The following BNC2 variants were observed in gnomAD, a reference collection of about 807,000 sequenced individuals.
The protein encoded by BNC2 is zinc finger protein basonuclin-2.
BNC2 carries 20 observed loss-of-function variants against 76.3 expected under a neutral mutation model. The observed-to-expected ratio is 0.26, with a 90% CI of 0.18 to 0.38. BNC2 has a LOEUF of 0.38. Ranked by LOEUF, BNC2 falls within the 10% of genes least tolerant of loss-of-function variation. The pLI, the probability that BNC2 is intolerant of heterozygous loss-of-function variation, is 1.00. For missense variants in BNC2, 1,382 were observed against 1,399.8 expected, an observed-to-expected ratio of 0.99 and a Z score of 0.20; for synonymous variants, 582 against 514.8, an observed-to-expected ratio of 1.13 and a Z score of -1.77.
At position 16,419,137 on chromosome 9, in the gene BNC2, C is replaced by G; in HGVS notation, c.3152G>C (p.Arg1051Thr). The G allele has an allele frequency of 6.2e-7, 1 of 1,614,216 alleles. No homozygotes were observed. Among genetic ancestry groups the G allele is most frequent in the Non-Finnish European group, 8.5e-7 (1 of 1,180,048 alleles). ...HKMYSNKGTL[R>T]VHYKTVHLRE... ...CAAATGCACAGTTTTGTAGTGCACT[C>G]TCAGGGTCCCCTTGTTGCTGTACAT... The change falls in exon 7 of 7, where the codon AGA becomes ACA. Residue 1051 changes from arginine (R) to threonine (T), a missense_variant. By Grantham distance (71) the Arg-to-Thr change is moderately conservative. This residue lies in a region of BNC2 where 798 missense variants were observed against 775.5 expected (regional missense o/e 1.03). Coordinates refer to ENST00000380672, the MANE Select transcript of BNC2 (RefSeq NM_017637.6).
intron 5 of BNC2, among the ~76,000 whole-genome samples, chr9:16,442,071 C>A (rs1821139987): frequency 6.6e-6 from 1 of 152,108 alleles, no homozygotes; most frequent in South Asian, 2.1e-4. Flanking sequence ...TTTAGGTTTT[C>A]CCATTTGTAA....
chr9:16,678,621 C>A (rs192816511), intron 3 of BNC2, among the ~76,000 whole-genome samples: 1 of 149,904 alleles, frequency 6.7e-6, no homozygotes, highest in Non-Finnish European at 1.5e-5. Flanking sequence ...TTTTAAAATT[C>A]TTTCTGTACC....
At chr9:16,458,298 T>C (rs576910513) in intron 5 of BNC2, among the ~76,000 whole-genome samples, 20 of 152,314 alleles carry the variant, frequency 1.3e-4, no homozygotes, top group African/African-American at 4.8e-4. Context: ...AAGATGCAAC[T>C]AATCATTTCC....
chr9:16,734,593 G>A (rs1563919800), intron 2 of BNC2, among the ~76,000 whole-genome samples: 1 of 152,238 alleles, frequency 6.6e-6, no homozygotes, highest in African/African-American at 2.4e-5. Flanking sequence ...CAAGGGGCAA[G>A]ATCATGGTCC....
intron 3 of BNC2, among the ~76,000 whole-genome samples, chr9:16,679,074 T>C (rs1201460468): frequency 1.3e-5 from 2 of 152,140 alleles, no homozygotes; most frequent in Non-Finnish European, 2.9e-5. Flanking sequence ...AGCTGCACTA[T>C]GTACACAGAG....
At chr9:16,806,774 G>A (rs2243698) in intron 1 of BNC2, among the ~76,000 whole-genome samples, 150,409 of 152,344 alleles carry the variant, frequency 0.99, 74,277 homozygotes, top group East Asian at 1. Context: ...ATTCTAAATT[G>A]TCCCCTAATC....
chr9:16,630,064 A>G (rs938096933), intron 3 of BNC2, among the ~76,000 whole-genome samples: 1 of 152,260 alleles, frequency 6.6e-6, no homozygotes, highest in Non-Finnish European at 1.5e-5. Flanking sequence ...CACTGCTTCA[A>G]TTTGTAAAAG....
intron 1 of BNC2, among the ~76,000 whole-genome samples, chr9:16,803,087 G>C (rs1386423867): frequency 6.6e-6 from 1 of 152,098 alleles, no homozygotes; most frequent in African/African-American, 2.4e-5. Context: ...AGTGATTGTA[G>C]TTTTCCTATA....
At chr9:16,658,113 G>A (rs73421454) in intron 3 of BNC2, among the ~76,000 whole-genome samples, 12,755 of 152,148 alleles carry the variant, frequency 0.084, 1,719 homozygotes, top group African/African-American at 0.28. Flanking sequence ...GCAAGGGAAT[G>A]GGGACATCTC....
At chr9:16,774,957 T>C (rs1321857073) in intron 1 of BNC2, among the ~76,000 whole-genome samples, 1 of 152,228 alleles carries the variant, frequency 6.6e-6, no homozygotes, top group East Asian at 1.9e-4. Context: ...TGCTCAGTTA[T>C]ATCTGTCATG....
chr9:16,694,149 C>G (rs892726989), intron 3 of BNC2, among the ~76,000 whole-genome samples: 2 of 151,796 alleles, frequency 1.3e-5, no homozygotes, highest in Non-Finnish European at 2.9e-5. Context: ...AAAAATGGAA[C>G]AAATTGAAAG....
intron 1 of BNC2, among the ~76,000 whole-genome samples, chr9:16,739,808 T>C (rs1243236288): frequency 2.6e-5 from 4 of 151,988 alleles, no homozygotes; most frequent in Admixed American, 2.0e-4. Context: ...GTGTCAACAA[T>C]GACACTAAAG....
chr9:16,582,909 A>ACG (rs1819666699), intron 4 of BNC2, 74 bp downstream of exon 4: 2 of 1,020,990 alleles, frequency 2.0e-6, no homozygotes, highest in Non-Finnish European at 3.1e-6. Context: ...ACACACACAC[A>ACG]CACACACACA....
intron 1 of BNC2, among the ~76,000 whole-genome samples, chr9:16,771,585 T>G (rs1223189579): frequency 6.6e-6 from 1 of 152,192 alleles, no homozygotes; most frequent in East Asian, 1.9e-4. Flanking sequence ...GCAAAAAAGA[T>G]AAGACGTTTA....
intron 3 of BNC2, among the ~76,000 whole-genome samples, chr9:16,710,315 T>C (rs1365135649): frequency 6.6e-6 from 1 of 152,206 alleles, no homozygotes; most frequent in Non-Finnish European, 1.5e-5. Flanking sequence ...TCCTATGACA[T>C]GTATCACACA....
At chr9:16,806,398 A>G (rs1817913453) in intron 1 of BNC2, among the ~76,000 whole-genome samples, 1 of 152,184 alleles carries the variant, frequency 6.6e-6, no homozygotes. Flanking sequence ...AAGAAAAGAA[A>G]GAAGGAAGGA....
chr9:16,678,416 C>G lies in BNC2; in HGVS notation c.330+49381G>C, dbSNP rs187956917. ...CCAAATAGCTGGGATTACAGGCACACGCCACCATGCCCAGCTAATTTTCTG... is the reference window on the plus strand; with the variant it reads ...CCAAATAGCTGGGATTACAGGCACAGGCCACCATGCCCAGCTAATTTTCTG... On this transcript the variant is annotated intron_variant, in intron 3 of 6. Transcript: ENST00000380672. Among the ~76,000 whole-genome samples the G allele has an allele frequency of 7.6e-3, 1,149 of 151,108 alleles. 19 individuals carry two copies. The highest frequency in any genetic ancestry group is 0.027 in the African/African-American group (1,094 of 41,232).
chr9:16,682,944 A>G (rs1822868095), intron 3 of BNC2, among the ~76,000 whole-genome samples: 1 of 152,226 alleles, frequency 6.6e-6, no homozygotes, highest in Non-Finnish European at 1.5e-5. Context: ...TTAGAAGATG[A>G]TTGCATAAGA....
At chr9:16,741,210 T>G (rs1479869165) in intron 1 of BNC2, among the ~76,000 whole-genome samples, 1 of 152,080 alleles carries the variant, frequency 6.6e-6, no homozygotes, top group East Asian at 1.9e-4. Context: ...TCCCAGCACT[T>G]TGGGAAGCCG....
Sources: allele counts gnomAD v4.1 joint callset (sites outside exome capture counted in the v4.1 genomes callset), GRCh38; gene constraint gnomAD v4.1.1; regional missense constraint gnomAD v4.1.1; transcripts MANE v1.5; gene names NCBI Gene and HGNC (gene_info 2026-07-23, HGNC 2026-07-21).